The following ESR1 variants were observed in gnomAD, a reference collection of about 807,000 sequenced individuals.
ESR1 encodes the protein estrogen receptor 1.
A neutral mutation model predicts 52.7 loss-of-function variants in ESR1; 12 were observed. The ratio of observed to expected loss-of-function variants is 0.23; its 90% confidence interval spans 0.15 to 0.37. The LOEUF (loss-of-function observed/expected upper bound fraction) is 0.37. Ranked by LOEUF, ESR1 falls within the 10% of genes least tolerant of loss-of-function variation. The pLI, the probability that ESR1 is intolerant of heterozygous loss-of-function variation, is 1.00. For missense variants in ESR1, 584 were observed against 779.7 expected (o/e 0.75, Z 2.99); for synonymous variants, 305 against 316.8 (o/e 0.96, Z 0.39).
At chr6:151,898,267 A>T (rs1795857993) in intron 3 of ESR1, among the ~76,000 whole-genome samples, 1 of 152,110 alleles carries the variant, frequency 6.6e-6, no homozygotes, top group Admixed American at 6.6e-5. Flanking sequence ...AGTTTTCCTC[A>T]ATTATCCCCC....
chr6:152,099,798 C>G lies in ESR1; in HGVS notation c.*832C>G, dbSNP rs1167219966. On this transcript the variant is annotated 3_prime_UTR_variant, in exon 8 of 8. Transcript: ENST00000206249. ...TTTTTGTGTTACAAAAGAAAGCCCT[C>G]CCTCCCTGAACTTGCAGTAAGGTCA... is the stretch of plus-strand genomic sequence containing the variant. 2.5e-6 allele frequency: 1 copy of G among 392,958 alleles called. No homozygotes were observed. Among genetic ancestry groups the G allele is most frequent in the Non-Finnish European group, 4.5e-6 (1 of 223,030 alleles). 24.3% of individuals were successfully genotyped at this position (392,958 alleles called of 1,614,324 possible).
At chr6:151,906,064 A>C (rs1797401009) in intron 3 of ESR1, among the ~76,000 whole-genome samples, 1 of 152,176 alleles carries the variant, frequency 6.6e-6, no homozygotes, top group Admixed American at 6.5e-5. Context: ...CCTCGGCGTA[A>C]ATGGGTTAAC....
chr6:152,058,219 A>C (rs1157438599), intron 5 of ESR1, among the ~76,000 whole-genome samples: 1 of 152,182 alleles, frequency 6.6e-6, no homozygotes, highest in Non-Finnish European at 1.5e-5. Context: ...GCTTAAAAAA[A>C]AAATTCAACT....
intron 2 of ESR1, among the ~76,000 whole-genome samples, chr6:151,873,308 G>A (rs890195967): frequency 6.6e-6 from 1 of 152,156 alleles, no homozygotes; most frequent in African/African-American, 2.4e-5. Flanking sequence ...CTGTATAATA[G>A]GATTAATATA....
At chr6:151,911,204 G>A (rs1554282552) in intron 3 of ESR1, among the ~76,000 whole-genome samples, 1 of 152,084 alleles carries the variant, frequency 6.6e-6, no homozygotes, top group Non-Finnish European at 1.5e-5. Context: ...TCTTGAGAGT[G>A]TTTGTTCAAA....
At chr6:151,730,245 G>A (rs938674207) in intron 2 of ESR1, among the ~76,000 whole-genome samples, 1 of 151,934 alleles carries the variant, frequency 6.6e-6, no homozygotes, top group Non-Finnish European at 1.5e-5. Flanking sequence ...GACCCCCCGG[G>A]GCTGACCATC....
chr6:151,898,876 G>C (rs1349858631), intron 3 of ESR1, among the ~76,000 whole-genome samples: 4 of 151,982 alleles, frequency 2.6e-5, no homozygotes, highest in African/African-American at 9.7e-5. Flanking sequence ...CCACAAAACT[G>C]CCATTGTCAT....
intron 2 of ESR1, among the ~76,000 whole-genome samples, chr6:151,874,074 C>T (rs1023083812): frequency 1.3e-5 from 2 of 152,132 alleles, no homozygotes; most frequent in African/African-American, 4.8e-5. Flanking sequence ...TGTGTGAGTG[C>T]TTAAACATTG....
rs773290817 is a variant in ESR1 at position 152,094,613 on chromosome 6, A to G, written c.1553+45A>G. The G allele has an allele frequency of 1.9e-6, 3 of 1,582,122 alleles. No individual in the cohort carries two copies. Among genetic ancestry groups the G allele is most frequent in the Non-Finnish European group, 2.6e-6 (3 of 1,157,584 alleles). On this transcript the variant is annotated intron_variant, in intron 7 of 7. Transcript: ENST00000206249. The surrounding 1 kb of genome is among the most constrained non-coding windows in gnomAD (Gnocchi z 4.6). ...CCTACAGGAGAGACATAAAGAAAAC[A>G]TGCCCCCAAACCTATGTGACAGCTG...
intron 4 of ESR1, among the ~76,000 whole-genome samples, chr6:151,979,770 CTT>C (rs771961626): frequency 6.6e-6 from 1 of 152,020 alleles, no homozygotes; most frequent in Non-Finnish European, 1.5e-5. Flanking sequence ...AAATTAATCT[CTT>C]TTTCTTAGAT....
chr6:151,695,895 G>T (rs917642258), intron 1 of ESR1, among the ~76,000 whole-genome samples: 1 of 152,068 alleles, frequency 6.6e-6, no homozygotes, highest in Non-Finnish European at 1.5e-5. Flanking sequence ...GACACAAATT[G>T]CTCTTTCTTT....
intron 3 of ESR1, among the ~76,000 whole-genome samples, chr6:151,933,890 C>T (rs552404512): frequency 5.9e-5 from 9 of 152,344 alleles, no homozygotes; most frequent in African/African-American, 2.2e-4. Flanking sequence ...CCTGCTACCT[C>T]ATCAACTGCA....
intron 6 of ESR1, among the ~76,000 whole-genome samples, chr6:152,079,731 C>T (rs900493337): frequency 6.6e-6 from 1 of 152,086 alleles, no homozygotes; most frequent in African/African-American, 2.4e-5. Flanking sequence ...CGCAAGGAGG[C>T]TAAAAACCTT....
At chr6:151,858,803 T>C (rs1226966159) in intron 2 of ESR1, among the ~76,000 whole-genome samples, 2 of 152,162 alleles carry the variant, frequency 1.3e-5, no homozygotes, top group Admixed American at 1.3e-4. Flanking sequence ...GTTATTTAAA[T>C]ACTTAATAGT....
At chr6:151,677,198 T>C (rs1293750887) in intron 1 of ESR1, among the ~76,000 whole-genome samples, 2 of 152,162 alleles carry the variant, frequency 1.3e-5, no homozygotes, top group East Asian at 3.9e-4. Flanking sequence ...CTGATTTTCT[T>C]GAGAAAGTGG....
chr6:151,759,530 A>AAT (rs1562383275), intron 2 of ESR1, among the ~76,000 whole-genome samples: 26 of 150,602 alleles, frequency 1.7e-4, no homozygotes, highest in Admixed American at 5.9e-4. Context: ...ATAATAATAA[A>AAT]AAAAGAATAA....
chr6:151,817,021 G>A (rs1386533149), intron 1 of ESR1, among the ~76,000 whole-genome samples: 2 of 152,200 alleles, frequency 1.3e-5, no homozygotes, highest in Admixed American at 6.5e-5. Context: ...AGCTTATGGA[G>A]AAGCTATGAT....
chr6:151,657,873 C>T (rs1489818066), intron 1 of ESR1, among the ~76,000 whole-genome samples: 2 of 151,770 alleles, frequency 1.3e-5, no homozygotes, highest in Non-Finnish European at 2.9e-5. Context: ...CTAATATCTT[C>T]CTCTAGTGAG....
intron 2 of ESR1, among the ~76,000 whole-genome samples, chr6:151,749,974 G>A (rs947604660): frequency 2.0e-5 from 3 of 152,270 alleles, no homozygotes; most frequent in East Asian, 3.9e-4. Flanking sequence ...TACAATTTAT[G>A]TAAGGTGTTA....
Sources: allele counts gnomAD v4.1 joint callset (sites outside exome capture counted in the v4.1 genomes callset), GRCh38; gene constraint gnomAD v4.1.1; non-coding constraint Gnocchi (gnomAD v3.1); transcripts MANE v1.5; gene names NCBI Gene and HGNC (gene_info 2026-07-23, HGNC 2026-07-21).